ZNF528: variants seen among roughly 807,000 people sequenced by gnomAD.
ZNF528 encodes the protein zinc finger protein 528.
Under a neutral mutation model 13.3 loss-of-function variants are expected in ZNF528, and 9 were observed. The observed-to-expected ratio is 0.67, with a 90% CI of 0.41 to 1.18. The LOEUF is 1.18. ZNF528 is among the 50% of genes most tolerant of loss of function. The pLI is 0.01. For missense variants in ZNF528, 858 were observed against 745.4 expected, an observed-to-expected ratio of 1.15 and a Z score of -1.76; for synonymous variants, 264 against 254.3, an observed-to-expected ratio of 1.04 and a Z score of -0.36.
intron 6 of ZNF528, chr19:52,413,309 C>CA (rs1401673334): frequency 6.6e-6 from 1 of 152,222 alleles, no homozygotes; most frequent in Admixed American, 6.5e-5. Flanking sequence ...CTGGTTTGCA[C>CA]ACAGTTCTTG....
chr19:52,405,832 C>T lies in ZNF528; in HGVS notation c.16-75C>T, dbSNP rs544388877. 415 of 1,571,642 alleles carry T rather than the reference C, an allele frequency of 2.6e-4. 4 individuals are homozygous for T. In the Middle Eastern group the frequency reaches 3.8e-3, roughly 14 times the overall value. On this transcript the variant is annotated intron_variant, in intron 4 of 6. Coordinates refer to ENST00000360465, the MANE Select transcript of ZNF528 (RefSeq NM_032423.3). ...TCACATAAGTGGAGTCAGTCCTTAA[C>T]GACTGTCTTCCCATTCTTTGTGACG...
chr19:52,413,683 A>T (rs2058960572), intron 6 of ZNF528: 1 of 152,098 alleles, frequency 6.6e-6, no homozygotes, highest in Non-Finnish European at 1.5e-5. Context: ...GGTGGTAAAA[A>T]CCAATTTTTA....
Position 52,416,887 on chromosome 19 carries a change from C to T in ZNF528, c.*148C>T. The T allele has an allele frequency of 1.3e-6, 1 of 758,278 alleles. No homozygotes were observed. The highest frequency in any genetic ancestry group is 2.1e-6 in the Non-Finnish European group (1 of 478,722). 47.0% of individuals were successfully genotyped at this position (758,278 alleles called of 1,614,324 possible). ...CCTGCCAAATCACTGGACATCACCA[C>T]ATCACTGTGGAGGATGAAAGCACAC... is the stretch of plus-strand genomic sequence containing the variant. On this transcript the variant is annotated 3_prime_UTR_variant, in exon 7 of 7. Coordinates refer to ENST00000360465, the MANE Select transcript of ZNF528 (RefSeq NM_032423.3).
chr19:52,416,158 C>G lies in ZNF528; in HGVS notation c.1306C>G (p.Pro436Ala). The G allele has an allele frequency of 3.1e-6, 5 of 1,614,046 alleles. No individual in the cohort carries two copies. Among genetic ancestry groups the G allele is most frequent in the Non-Finnish European group, 3.4e-6 (4 of 1,179,992 alleles). ...RHRKTHTDEK[P>A]YKCNKCGTAF... ...TCGAAAAACTCATACTGATGAGAAG[C>G]CTTACAAATGTAATAAATGTGGCAC... is the stretch of plus-strand genomic sequence containing the variant. Residue 436 changes from proline to alanine, a missense_variant, in exon 7 of 7, where the codon CCT becomes GCT. Physicochemically the swap from Pro to Ala is conservative, Grantham distance 27 (BLOSUM62 -1). Transcript: ENST00000360465.
At chr19:52,414,859 C>G (rs899011867) in intron 6 of ZNF528, 1 of 1,209,428 alleles carries the variant, frequency 8.3e-7, no homozygotes, top group Non-Finnish European at 1.1e-6. Flanking sequence ...CTGCTTCTTC[C>G]CAGAAGTTTT....
At position 52,415,310 on chromosome 19, in the gene ZNF528, C is replaced by T. The variant is rs1196361553; in HGVS notation, c.458C>T (p.Ser153Phe). The T allele has an allele frequency of 6.2e-7, 1 of 1,612,764 alleles. No homozygotes were observed. Among genetic ancestry groups the T allele is most frequent in the African/African-American group, 1.3e-5 (1 of 74,844 alleles). ...SSVSPLEKIS[S>F]SVKSHLLNKY... ...GTTTCACCGCTTGAAAAAATTTCTT[C>T]CAGTGTCAAATCCCACCTTTTAAAT... is the stretch of plus-strand genomic sequence containing the variant. The change falls in exon 7 of 7, where the codon TCC (serine) becomes TTC (phenylalanine). Residue 153 changes from serine (S) to phenylalanine (F), a missense_variant. Transcript: ENST00000360465.
intron 6 of ZNF528, chr19:52,414,060 G>T: frequency 1.6e-6 from 1 of 606,696 alleles, no homozygotes; most frequent in African/African-American, 1.8e-5. Flanking sequence ...TCTGCCCCAC[G>T]TTACCCTGAT....
Position 52,406,648 on chromosome 19 carries a change from G to C in ZNF528, c.271+5G>C. Reference sequence around the variant, plus strand: ...GCATCAAAGGTGTGAACACAGGTGAGAGCTCGGGTGGGCAGAGTGGAGGCC... The same window carrying C: ...GCATCAAAGGTGTGAACACAGGTGACAGCTCGGGTGGGCAGAGTGGAGGCC... On this transcript the variant is annotated splice_donor_5th_base_variant and intron_variant, in intron 6 of 6. Coordinates refer to ENST00000360465, the MANE Select transcript of ZNF528 (RefSeq NM_032423.3). The C allele has an allele frequency of 6.2e-7, 1 of 1,606,596 alleles. No individual in the cohort carries two copies. The highest frequency in any genetic ancestry group is 8.5e-7 in the Non-Finnish European group (1 of 1,177,632).
chr19:52,398,451 C>T lies in ZNF528; in HGVS notation c.-305C>T. 2.3e-6 allele frequency: 1 copy of T among 440,988 alleles called. No homozygotes were observed. The highest frequency in any genetic ancestry group is 3.0e-6 in the Non-Finnish European group (1 of 332,194). 27.3% of individuals were successfully genotyped at this position (440,988 alleles called of 1,614,324 possible). A position where few individuals can be genotyped will look rare whatever the true frequency, so the allele number is the denominator to read the frequency against. ...CCTGACATCCAGTGTTCTCTCGAGC[C>T]AGTTTCCAGCCCACAGAAAATGAGC... On this transcript the variant is annotated 5_prime_UTR_variant, in exon 2 of 7. Coordinates refer to ENST00000360465, the MANE Select transcript of ZNF528 (RefSeq NM_032423.3).
chr19:52,414,494 C>T (rs563003859), intron 6 of ZNF528: 6 of 577,668 alleles, frequency 1.0e-5, no homozygotes, highest in African/African-American at 7.5e-5. Context: ...TATTGGTCAG[C>T]GGCTTGATTT....
At chr19:52,406,955 T>C in intron 6 of ZNF528, 1 of 350,296 alleles carries the variant, frequency 2.9e-6, no homozygotes, top group East Asian at 4.4e-5. Context: ...TTCCTATTTA[T>C]TTTTTGGAGA....
At chr19:52,399,500 T>A (rs995314370) in intron 2 of ZNF528, among the ~76,000 whole-genome samples, 3 of 152,120 alleles carry the variant, frequency 2.0e-5, no homozygotes, top group African/African-American at 7.2e-5. Context: ...TCCCAGCTAC[T>A]CTGGAGGCTG....
Position 52,406,511 on chromosome 19 carries a change from A to T in ZNF528, c.143-4A>T. On this transcript the variant is annotated splice_region_variant and splice_polypyrimidine_tract_variant and intron_variant, in intron 5 of 6. Coordinates refer to ENST00000360465, the MANE Select transcript of ZNF528 (RefSeq NM_032423.3). ...CACACATTTATTCTTTCTTTTATAA[A>T]TAGGAATCTGTCTTCCTGACCTGAG... 1 of 1,612,662 alleles carries T rather than the reference A, an allele frequency of 6.2e-7. No individual in the cohort carries two copies. The highest frequency in any genetic ancestry group is 1.1e-5 in the South Asian group (1 of 90,688).
chr19:52,411,061 T>G (rs1249552159), intron 6 of ZNF528, among the ~76,000 whole-genome samples: 2 of 152,202 alleles, frequency 1.3e-5, no homozygotes, highest in Non-Finnish European at 2.9e-5. Context: ...TTTAACAAGA[T>G]CTTGCTTTAC....
At chr19:52,409,416 G>C (rs2058901727) in intron 6 of ZNF528, among the ~76,000 whole-genome samples, 1 of 151,406 alleles carries the variant, frequency 6.6e-6, no homozygotes, top group Admixed American at 6.6e-5. Context: ...CGATTCTCCT[G>C]CATCAGCCTC....
At chr19:52,408,046 A>G (rs1486944005) in intron 6 of ZNF528, among the ~76,000 whole-genome samples, 1 of 152,126 alleles carries the variant, frequency 6.6e-6, no homozygotes, top group Non-Finnish European at 1.5e-5. Context: ...TTAACAGCTT[A>G]TCTTTGATTA....
Position 52,406,564 on chromosome 19 carries a change from A to G in ZNF528, c.192A>G (p.Arg64=). ...TTACCTCCATGTTAGAGCAAAAGAG[A>G]GATCCCTGGACTCTGCAGAGTGAAG... ...LSVTSMLEQK[R]DPWTLQSEEK... The change falls in exon 6 of 7, where the codon AGA becomes AGG. Residue 64 remains arginine, a synonymous_variant. Coordinates refer to ENST00000360465, the MANE Select transcript of ZNF528 (RefSeq NM_032423.3). The G allele has an allele frequency of 6.2e-7, 1 of 1,614,106 alleles. No homozygotes were observed. The highest frequency in any genetic ancestry group is 8.5e-7 in the Non-Finnish European group (1 of 1,180,010).
intron 6 of ZNF528, among the ~76,000 whole-genome samples, chr19:52,410,482 T>A (rs1439625356): frequency 2.0e-5 from 3 of 152,200 alleles, no homozygotes; most frequent in Non-Finnish European, 4.4e-5. Flanking sequence ...CCAGCAAACC[T>A]TCTGGCGGTA....
intron 4 of ZNF528, among the ~76,000 whole-genome samples, chr19:52,405,376 C>G (rs542737583): frequency 2.2e-4 from 33 of 151,986 alleles, no homozygotes; most frequent in South Asian, 1.5e-3. Flanking sequence ...ATAAAAAATA[C>G]AAAAATTAGC....
Sources: allele counts gnomAD v4.1 joint callset (sites outside exome capture counted in the v4.1 genomes callset), GRCh38; gene constraint gnomAD v4.1.1; transcripts MANE v1.5; gene names NCBI Gene and HGNC (gene_info 2026-07-23, HGNC 2026-07-21).